Variants in C1QTNF7 observed in about 807,000 individuals in gnomAD.
The protein encoded by C1QTNF7 is C1q and TNF related 7.
C1QTNF7 carries 15 observed loss-of-function variants against 19.6 expected under a neutral mutation model. That is an observed-to-expected ratio of 0.76 (90% confidence interval 0.51 to 1.18). The LOEUF (loss-of-function observed/expected upper bound fraction) is 1.18. Among genes scored for constraint, C1QTNF7 ranks in the 50% most tolerant of loss-of-function variants. The probability of loss-of-function intolerance (pLI) is 0.00; values close to 1 mark genes in which losing one functional copy is unlikely to be tolerated. For missense variants in C1QTNF7, 324 were observed against 359.7 expected, an observed-to-expected ratio of 0.90 and a Z score of 0.80; for synonymous variants, 142 against 137.5, an observed-to-expected ratio of 1.03 and a Z score of -0.23.
chr4:15,365,147 C>T (rs1717469667), intron 1 of C1QTNF7, among the ~76,000 whole-genome samples: 1 of 151,898 alleles, frequency 6.6e-6, no homozygotes, highest in African/African-American at 2.4e-5. Context: ...AGGTGTTTGG[C>T]ACCATATATA....
chr4:15,350,155 AAGGG>A (rs1435048649), intron 1 of C1QTNF7, among the ~76,000 whole-genome samples: 3 of 74,220 alleles, frequency 4.0e-5, no homozygotes, highest in East Asian at 4.6e-4. Context: ...AGGAGGAAAG[AAGGG>A]AGGGAGGGAG....
intron 1 of C1QTNF7, among the ~76,000 whole-genome samples, chr4:15,363,715 T>C (rs1250898832): frequency 1.3e-5 from 2 of 152,160 alleles, no homozygotes; most frequent in Admixed American, 6.5e-5. Flanking sequence ...AAAATGAACA[T>C]TGGAAAGTAA....
At chr4:15,381,097 A>G (rs1718124122) in intron 1 of C1QTNF7, among the ~76,000 whole-genome samples, 1 of 151,676 alleles carries the variant, frequency 6.6e-6, no homozygotes, top group Non-Finnish European at 1.5e-5. Flanking sequence ...TTACATAAAC[A>G]TTTACTAGCT....
chr4:15,339,873 T>C (rs1284642050), upstream of C1QTNF7: 3 of 464,280 alleles, frequency 6.5e-6, no homozygotes, highest in East Asian at 1.3e-4. Flanking sequence ...TTAAGCTCTT[T>C]GAAATGTGAG....
Position 15,442,995 on chromosome 4 carries a change from G to GC in C1QTNF7, c.*200dup, listed in dbSNP as rs1263521627. ...ACAAAATGAATTCTATTAAAGAATA[G>GC]CCCCAGATATAAATTCTCTTGAAAG... On this transcript the variant is annotated 3_prime_UTR_variant, in exon 3 of 3. Coordinates refer to ENST00000444304, the MANE Select transcript of C1QTNF7 (RefSeq NM_031911.5). The GC allele has an allele frequency of 2.2e-6, 1 of 464,770 alleles. No individual in the cohort carries two copies. The allele number at this position is 464,770 out of a possible 1,614,324, so 28.8% of individuals were successfully genotyped here.
intron 2 of C1QTNF7, 59 bp downstream of exon 2, chr4:15,436,040 C>G: frequency 1.9e-6 from 3 of 1,550,086 alleles, no homozygotes; most frequent in Non-Finnish European, 2.6e-6. Context: ...AAACTGTTCC[C>G]CTTTCTTTGT....
chr4:15,372,771 A>G (rs1450298795), intron 1 of C1QTNF7, among the ~76,000 whole-genome samples: 2 of 152,192 alleles, frequency 1.3e-5, no homozygotes, highest in Non-Finnish European at 2.9e-5. Context: ...GTGTGACTGA[A>G]CAAAATATTT....
intron 1 of C1QTNF7, among the ~76,000 whole-genome samples, chr4:15,396,957 G>T (rs187726229): frequency 3.3e-5 from 5 of 152,276 alleles, no homozygotes; most frequent in African/African-American, 1.2e-4. Context: ...AAAGAGAAAG[G>T]TTTAATACAG....
intron 1 of C1QTNF7, among the ~76,000 whole-genome samples, chr4:15,393,977 C>G (rs76530103): frequency 0.098 from 14,857 of 151,966 alleles, 1,161 homozygotes; most frequent in Admixed American, 0.2. Context: ...GAAGTAAGGG[C>G]AGAGGGGGTG....
chr4:15,380,559 A>G (rs1033054823), intron 1 of C1QTNF7, among the ~76,000 whole-genome samples: 1 of 152,238 alleles, frequency 6.6e-6, no homozygotes, highest in Admixed American at 6.5e-5. Context: ...TATTGGTGAA[A>G]CTGTGTAAGT....
chr4:15,427,652 A>G (rs1712112370), upstream of C1QTNF7: 1 of 152,212 alleles, frequency 6.6e-6, no homozygotes, highest in African/African-American at 2.4e-5. Context: ...TCTACCTCCA[A>G]AACTCTCAAA....
In C1QTNF7 at chr4:15,442,715, T is replaced by C. The variant is rs1577287750; in HGVS notation, c.786T>C (p.Gly262=). ...TDQNGLFSDP[G]WADSLFSGFL... ...AGAATGGCCTCTTCTCAGACCCAGG[T>C]TGGGCAGACAGCTTATTCTCCGGGT... The change falls in exon 3 of 3, where the codon GGT becomes GGC. Residue 262 remains glycine (G), a synonymous_variant. Coordinates refer to ENST00000444304, the MANE Select transcript of C1QTNF7 (RefSeq NM_031911.5). 2 of 1,614,090 alleles carry C rather than the reference T, an allele frequency of 1.2e-6. No homozygotes were observed. The highest frequency in any genetic ancestry group is 1.7e-6 in the Non-Finnish European group (2 of 1,180,016).
At chr4:15,424,858 T>C (rs1298451946), upstream of C1QTNF7, among the ~76,000 whole-genome samples, 2 of 152,182 alleles carry the variant, frequency 1.3e-5, no homozygotes, top group African/African-American at 4.8e-5. Flanking sequence ...CTGCTTTGTG[T>C]TCTCAGCTGA....
In C1QTNF7 at chr4:15,442,994, A is replaced by T; in HGVS notation, c.*195A>T. ...AACAAAATGAATTCTATTAAAGAAT[A>T]GCCCCAGATATAAATTCTCTTGAAA... On this transcript the variant is annotated 3_prime_UTR_variant, in exon 3 of 3. Coordinates refer to ENST00000444304, the MANE Select transcript of C1QTNF7 (RefSeq NM_031911.5). 2.1e-6 allele frequency: 1 copy of T among 468,514 alleles called. No individual in the cohort carries two copies. Among genetic ancestry groups the T allele is most frequent in the South Asian group, 5.2e-5 (1 of 19,256 alleles). 29.0% of individuals were successfully genotyped at this position (468,514 alleles called of 1,614,324 possible).
rs1359562467 is a variant in C1QTNF7 at position 15,428,066 on chromosome 4, T to A, written c.-49T>A. 17 of 985,334 alleles carry A rather than the reference T, an allele frequency of 1.7e-5. No homozygotes were observed. The highest frequency in any genetic ancestry group is 1.8e-5 in the Non-Finnish European group (15 of 829,934). The allele number at this position is 985,334 out of a possible 1,614,324, so 61.0% of individuals were successfully genotyped here. On this transcript the variant is annotated 5_prime_UTR_variant, in exon 1 of 3. Coordinates refer to ENST00000444304, the MANE Select transcript of C1QTNF7 (RefSeq NM_031911.5). ...CTCATGAAAGATCCTCAGTCTCTTG[T>A]GGATTTAGAATCCTGCAGCAGCCCA...
At chr4:15,345,909 A>G (rs557734523) in intron 1 of C1QTNF7, among the ~76,000 whole-genome samples, 1 of 152,290 alleles carries the variant, frequency 6.6e-6, no homozygotes, top group African/African-American at 2.4e-5. Flanking sequence ...CGTCCCATAT[A>G]TACTAAGAGA....
chr4:15,444,148 A>G lies in C1QTNF7; in HGVS notation c.*1349A>G, dbSNP rs1457128297. The G allele has an allele frequency of 3.3e-5, 5 of 151,894 alleles. No homozygotes were observed. The highest frequency in any genetic ancestry group is 2.1e-4 in the South Asian group (1 of 4,814). 9.4% of individuals were successfully genotyped at this position (151,894 alleles called of 1,614,324 possible). On this transcript the variant is annotated 3_prime_UTR_variant, in exon 3 of 3. Transcript: ENST00000444304. ...TATCCCTCCCTTTTGGTAACTTCCA[A>G]TCCTCCTTCTATGTATTCCTTTCTC...
chr4:15,396,703 G>A (rs930872702), intron 1 of C1QTNF7, among the ~76,000 whole-genome samples: 1 of 152,142 alleles, frequency 6.6e-6, no homozygotes, highest in Non-Finnish European at 1.5e-5. Flanking sequence ...GACCCTGAGA[G>A]TTCCTCAGAA....
At chr4:15,432,509 C>A (rs1011941583) in intron 1 of C1QTNF7, among the ~76,000 whole-genome samples, 7 of 152,216 alleles carry the variant, frequency 4.6e-5, no homozygotes, top group Non-Finnish European at 1.0e-4. Flanking sequence ...GATTCTCCTG[C>A]CTCAGCCTCT....
Sources: gnomAD v4.1 joint callset for allele counts (sites outside exome capture counted in the v4.1 genomes callset) on GRCh38, gnomAD v4.1.1 for gene constraint, MANE v1.5 for transcripts, NCBI Gene and HGNC (gene_info 2026-07-23, HGNC 2026-07-21) for gene names.